RBMS3: variants seen among roughly 807,000 people sequenced by gnomAD.
The protein encoded by RBMS3 is RNA-binding motif, single-stranded-interacting protein 3.
A neutral mutation model predicts 66.8 loss-of-function variants in RBMS3; 27 were observed. That is an observed-to-expected ratio of 0.40 (90% confidence interval 0.30 to 0.56). The LOEUF (loss-of-function observed/expected upper bound fraction) is 0.56. RBMS3 is among the 20% of genes least tolerant of loss of function. RBMS3 has a pLI of 0.40. For synonymous variants in RBMS3, 188 were observed against 183.0 expected (o/e 1.03, Z -0.22); for missense variants, 513 against 549.5 (o/e 0.93, Z 0.66).
chr3:29,573,835 G>T (rs1366173699), intron 3 of RBMS3, among the ~76,000 whole-genome samples: 2 of 152,054 alleles, frequency 1.3e-5, no homozygotes, highest in Non-Finnish European at 2.9e-5. Context: ...GGTTATTCAG[G>T]AGCATATTGT....
At chr3:29,370,095 T>G (rs1448691351) in intron 1 of RBMS3, among the ~76,000 whole-genome samples, 1 of 152,210 alleles carries the variant, frequency 6.6e-6, no homozygotes, top group Non-Finnish European at 1.5e-5. Flanking sequence ...ATGACAGGTG[T>G]TCCAGGAGGT....
Position 29,323,596 on chromosome 3 carries a change from T to C in RBMS3, c.75+41840T>C, listed in dbSNP as rs145727530. On this transcript the variant is annotated intron_variant, in intron 1 of 14. Coordinates refer to ENST00000383767, the MANE Select transcript of RBMS3 (RefSeq NM_001003793.3). ...AAAGAAACAAACATCAGAAGCCATA[T>C]GTAATATGTCTGTGGTGCTCTTGAC... Among the ~76,000 whole-genome samples, 25 of 152,114 alleles carry C rather than the reference T, an allele frequency of 1.6e-4. No individual in the cohort carries two copies. The East Asian group carries it at 4.1e-3, about 25-fold the overall frequency.
At chr3:29,428,730 A>C (rs962823495) in intron 1 of RBMS3, among the ~76,000 whole-genome samples, 1 of 152,228 alleles carries the variant, frequency 6.6e-6, no homozygotes, top group African/African-American at 2.4e-5. Context: ...TCAGCTGTTT[A>C]GGAAGATCTA....
chr3:29,921,605 A>C (rs181011140), intron 10 of RBMS3, among the ~76,000 whole-genome samples: 330 of 152,236 alleles, frequency 2.2e-3, no homozygotes, highest in African/African-American at 7.3e-3. Flanking sequence ...ATCAGAGCTA[A>C]GGAGAAAGAG....
chr3:29,976,515 A>G (rs1697594278), intron 12 of RBMS3, among the ~76,000 whole-genome samples: 1 of 152,098 alleles, frequency 6.6e-6, no homozygotes, highest in Non-Finnish European at 1.5e-5. Flanking sequence ...ATTATCCATT[A>G]TACATTCCAC....
intron 4 of RBMS3, among the ~76,000 whole-genome samples, chr3:29,624,093 C>T (rs1432684179): frequency 3.3e-5 from 5 of 152,150 alleles, no homozygotes; most frequent in South Asian, 2.1e-4. Flanking sequence ...CTCATATTTG[C>T]GAAGACTTCC....
At chr3:29,974,983 A>C (rs970310270) in intron 12 of RBMS3, among the ~76,000 whole-genome samples, 1 of 137,984 alleles carries the variant, frequency 7.2e-6, no homozygotes, top group East Asian at 2.1e-4. Flanking sequence ...TATATATTTT[A>C]TATATAAAAT....
At chr3:29,401,117 G>A (rs1484650528) in intron 1 of RBMS3, among the ~76,000 whole-genome samples, 2 of 151,994 alleles carry the variant, frequency 1.3e-5, no homozygotes, top group African/African-American at 4.8e-5. Context: ...TATGGGATAA[G>A]ATGAAACAAA....
chr3:29,817,362 C>T (rs943492132), intron 6 of RBMS3, among the ~76,000 whole-genome samples: 32 of 151,930 alleles, frequency 2.1e-4, no homozygotes, highest in African/African-American at 7.5e-4. Flanking sequence ...CACCACCACG[C>T]CTGGCTAATT....
intron 3 of RBMS3, among the ~76,000 whole-genome samples, chr3:29,497,078 CG>C: frequency 6.6e-6 from 1 of 151,822 alleles, no homozygotes; most frequent in Middle Eastern, 3.4e-3. Flanking sequence ...GCTAGAGTCT[CG>C]GCTCACTGCA....
At chr3:29,602,353 A>C (rs1449262522) in intron 4 of RBMS3, among the ~76,000 whole-genome samples, 1 of 152,018 alleles carries the variant, frequency 6.6e-6, no homozygotes, top group African/African-American at 2.4e-5. Flanking sequence ...ATTTGCTGGG[A>C]CACAGGAAAC....
At chr3:29,756,790 T>G (rs1327987990) in intron 5 of RBMS3, among the ~76,000 whole-genome samples, 1 of 152,156 alleles carries the variant, frequency 6.6e-6, no homozygotes, top group Non-Finnish European at 1.5e-5. Flanking sequence ...AAGCACTTTA[T>G]GTTTATCAGT....
intron 7 of RBMS3, among the ~76,000 whole-genome samples, chr3:29,869,402 C>T (rs972361106): frequency 1.3e-5 from 2 of 152,014 alleles, no homozygotes; most frequent in Non-Finnish European, 2.9e-5. Flanking sequence ...TTTACTTGCA[C>T]ATGTATGTAT....
chr3:29,532,266 A>ATG (rs2045390527), intron 3 of RBMS3, among the ~76,000 whole-genome samples: 1 of 130,598 alleles, frequency 7.7e-6, no homozygotes, highest in African/African-American at 2.8e-5. Flanking sequence ...ATATATGTAT[A>ATG]TATATATATA....
chr3:29,493,656 T>G lies in RBMS3; in HGVS notation c.307+5157T>G, dbSNP rs1199175392. On this transcript the variant is annotated intron_variant, in intron 3 of 14. Transcript: ENST00000383767. The stretch of plus-strand genomic sequence containing the variant: ...TTGGGCAAGAAAAAAATACAGCTCT[T>G]GGAAAAATTAAGCTGGTTTTAATTA... Among the ~76,000 whole-genome samples, 6 of 152,176 alleles carry G rather than the reference T, an allele frequency of 3.9e-5. No homozygotes were observed. The East Asian group carries it at 1.2e-3, about 29-fold the overall frequency.
At chr3:29,811,384 G>A (rs1042503728) in intron 6 of RBMS3, among the ~76,000 whole-genome samples, 1 of 152,154 alleles carries the variant, frequency 6.6e-6, no homozygotes, top group African/African-American at 2.4e-5. Flanking sequence ...CTTAACTGCT[G>A]TACAGCAGGA....
chr3:29,746,677 C>A (rs186974493), intron 5 of RBMS3, among the ~76,000 whole-genome samples: 15 of 152,152 alleles, frequency 9.9e-5, no homozygotes, highest in Non-Finnish European at 1.8e-4. Flanking sequence ...ATTCTATTTT[C>A]TTTTTCATAT....
chr3:29,468,554 T>C (rs961472969), intron 2 of RBMS3, among the ~76,000 whole-genome samples: 6 of 152,188 alleles, frequency 3.9e-5, no homozygotes, highest in Non-Finnish European at 7.4e-5. Context: ...ATGTAATCTT[T>C]GAGAAATAAC....
At chr3:29,711,668 A>G (rs1426360696) in intron 4 of RBMS3, among the ~76,000 whole-genome samples, 3 of 152,082 alleles carry the variant, frequency 2.0e-5, no homozygotes, top group African/African-American at 4.8e-5. Context: ...CCAGAATCCA[A>G]TTTTCTCCTT....
Sources: allele counts gnomAD v4.1 joint callset (sites outside exome capture counted in the v4.1 genomes callset), GRCh38; gene constraint gnomAD v4.1.1; transcripts MANE v1.5; gene names NCBI Gene and HGNC (gene_info 2026-07-23, HGNC 2026-07-21).